METTL6: variants seen among roughly 807,000 people sequenced by gnomAD.
METTL6 encodes the protein tRNA N(3)-cytidine methyltransferase METTL6.
In METTL6, 22 loss-of-function variants were observed where a neutral mutation model predicts 26.4. That is an observed-to-expected ratio of 0.83 (90% CI 0.59 to 1.19). METTL6 has a LOEUF of 1.19. METTL6 is among the 50% of genes most tolerant of loss of function. METTL6 has a pLI of 0.00. For synonymous variants in METTL6, 109 were observed against 116.2 expected (o/e 0.94, Z 0.40); for missense variants, 304 against 324.8 (o/e 0.94, Z 0.49).
At chr3:15,409,257 G>T (rs1380691688), downstream of METTL6, among the ~76,000 whole-genome samples, 1 of 152,132 alleles carries the variant, frequency 6.6e-6, no homozygotes, top group African/African-American at 2.4e-5. Flanking sequence ...GATGTAGTTG[G>T]AGTTGAAGGG....
chr3:15,402,878 G>A (rs527403807), intron 6 of METTL6, among the ~76,000 whole-genome samples: 6 of 152,024 alleles, frequency 3.9e-5, no homozygotes, highest in East Asian at 1.9e-4. Flanking sequence ...TAATTTATTC[G>A]TCCTAAAAAG....
At chr3:15,400,781 T>G (rs1405843924) in intron 6 of METTL6, among the ~76,000 whole-genome samples, 1 of 152,240 alleles carries the variant, frequency 6.6e-6, no homozygotes, top group African/African-American at 2.4e-5. Flanking sequence ...AAATAAATAC[T>G]GTAACTGTTT....
chr3:15,416,482 T>G (rs1161631270), intron 3 of METTL6, among the ~76,000 whole-genome samples: 1 of 152,200 alleles, frequency 6.6e-6, no homozygotes, highest in Non-Finnish European at 1.5e-5. Context: ...CTTGAACTCC[T>G]GGCCTCAAGT....
At chr3:15,420,410 TAGTA>T (rs2125020203) in intron 3 of METTL6, among the ~76,000 whole-genome samples, 1 of 152,334 alleles carries the variant, frequency 6.6e-6, no homozygotes, top group South Asian at 2.1e-4. Flanking sequence ...AAAAGTAGGG[TAGTA>T]AGTAACACAT....
chr3:15,401,223 T>C (rs1699633701), intron 6 of METTL6, among the ~76,000 whole-genome samples: 1 of 152,002 alleles, frequency 6.6e-6, no homozygotes, highest in Non-Finnish European at 1.5e-5. Flanking sequence ...ATATTTTTAG[T>C]AGAGATGGGG....
chr3:15,387,802 T>C (rs1233900687), intron 6 of METTL6, among the ~76,000 whole-genome samples: 2 of 148,464 alleles, frequency 1.3e-5, no homozygotes, highest in African/African-American at 5.0e-5. Flanking sequence ...TAAATCGTTC[T>C]CTTTGAAAAA....
intron 6 of METTL6, among the ~76,000 whole-genome samples, chr3:15,394,931 AT>A (rs1182821793): frequency 6.6e-6 from 1 of 152,174 alleles, no homozygotes. Flanking sequence ...TATGTGGTCA[AT>A]TTTGGAATAG....
chr3:15,397,831 C>T (rs968196269), intron 6 of METTL6, among the ~76,000 whole-genome samples: 3 of 152,104 alleles, frequency 2.0e-5, no homozygotes, highest in Admixed American at 2.0e-4. Flanking sequence ...TATGCAACTT[C>T]CCCAATTATT....
chr3:15,390,744 T>C (rs966350337), intron 6 of METTL6, among the ~76,000 whole-genome samples: 1 of 152,232 alleles, frequency 6.6e-6, no homozygotes, highest in Non-Finnish European at 1.5e-5. Flanking sequence ...ACCAGCTCAG[T>C]GGAGGGTCAG....
At chr3:15,406,945 T>A (rs572960392), downstream of METTL6, among the ~76,000 whole-genome samples, 56 of 151,012 alleles carry the variant, frequency 3.7e-4, 1 homozygote, top group Non-Finnish European at 5.6e-4. Flanking sequence ...TCTTAATGTA[T>A]CTTAAATATA....
intron 6 of METTL6, among the ~76,000 whole-genome samples, chr3:15,388,015 C>T (rs1699243315): frequency 6.6e-6 from 1 of 152,122 alleles, no homozygotes; most frequent in Non-Finnish European, 1.5e-5. Context: ...GTAATTCACA[C>T]AGACCAGCTG....
chr3:15,393,293 TG>T (rs1356431898), intron 6 of METTL6, among the ~76,000 whole-genome samples: 1 of 152,166 alleles, frequency 6.6e-6, no homozygotes, highest in African/African-American at 2.4e-5. Flanking sequence ...TTTGGCTCTC[TG>T]TTTGTCTGTT....
At chr3:15,425,908 A>G (rs2061709475) in intron 2 of METTL6, among the ~76,000 whole-genome samples, 1 of 151,708 alleles carries the variant, frequency 6.6e-6, no homozygotes, top group Admixed American at 6.6e-5. Context: ...TCTACTTCGC[A>G]CTCTCCCTAG....
chr3:15,398,234 C>T (rs1049894612), intron 6 of METTL6, among the ~76,000 whole-genome samples: 6 of 151,700 alleles, frequency 4.0e-5, no homozygotes, highest in Admixed American at 1.3e-4. Flanking sequence ...TGCTCTGTTG[C>T]GCAGGCTGGA....
chr3:15,424,182 A>G (rs778863254), intron 3 of METTL6, among the ~76,000 whole-genome samples: 31 of 152,352 alleles, frequency 2.0e-4, no homozygotes, highest in Middle Eastern at 6.8e-3. Context: ...CTCTAAAAAA[A>G]GTAAAAAATA....
chr3:15,389,736 A>T (rs1011581760), intron 6 of METTL6, among the ~76,000 whole-genome samples: 1 of 151,082 alleles, frequency 6.6e-6, no homozygotes, highest in South Asian at 2.1e-4. Flanking sequence ...TTTAGTAGAG[A>T]TGGGGTTTCT....
chr3:15,396,115 G>A (rs1400338061), intron 6 of METTL6, among the ~76,000 whole-genome samples: 3 of 152,138 alleles, frequency 2.0e-5, no homozygotes, highest in Non-Finnish European at 2.9e-5. Flanking sequence ...CATTCTCCCC[G>A]TCACTTGCAG....
At chr3:15,385,826 G>T (rs571176825) in intron 6 of METTL6, among the ~76,000 whole-genome samples, 1 of 152,246 alleles carries the variant, frequency 6.6e-6, no homozygotes, top group South Asian at 2.1e-4. Context: ...TAAACTCTCT[G>T]CTTACATTAA....
At chr3:15,420,912 T>TTA (rs1226376454) in intron 3 of METTL6, among the ~76,000 whole-genome samples, 11 of 152,340 alleles carry the variant, frequency 7.2e-5, no homozygotes, top group Non-Finnish European at 1.5e-4. Context: ...CCTATTTAGA[T>TTA]GACACTTTCA....
Sources: allele counts gnomAD v4.1 joint callset (sites outside exome capture counted in the v4.1 genomes callset), GRCh38; gene constraint gnomAD v4.1.1; transcripts MANE v1.5; gene names NCBI Gene and HGNC (gene_info 2026-07-23, HGNC 2026-07-21).